OXCT1: variants seen among roughly 807,000 people sequenced by gnomAD.
OXCT1 encodes succinyl-CoA:3-ketoacid coenzyme A transferase 1, mitochondrial.
OXCT1 carries 27 observed loss-of-function variants against 69.6 expected under a neutral mutation model. The observed-to-expected ratio is 0.39, with a 90% CI of 0.29 to 0.54. The LOEUF (loss-of-function observed/expected upper bound fraction) is 0.54, where lower values mean the gene tolerates loss of function less well. OXCT1 is among the 20% of genes least tolerant of loss of function. The pLI, the probability that OXCT1 is intolerant of heterozygous loss-of-function variation, is 0.72. For synonymous variants in OXCT1, 202 were observed against 217.8 expected (o/e 0.93, Z 0.64); for missense variants, 437 against 650.2 (o/e 0.67, Z 3.57).
intron 7 of OXCT1, among the ~76,000 whole-genome samples, chr5:41,819,186 G>A (rs2112323713): frequency 6.6e-6 from 1 of 152,164 alleles, no homozygotes; most frequent in East Asian, 1.9e-4. Flanking sequence ...AACCAAAAGA[G>A]AGCAAAATTA....
chr5:41,847,002 G>C (rs1243622463), intron 5 of OXCT1, among the ~76,000 whole-genome samples: 1 of 151,806 alleles, frequency 6.6e-6, no homozygotes, highest in African/African-American at 2.4e-5. Flanking sequence ...ATTTGTTTTT[G>C]AAAGGATCAA....
intron 13 of OXCT1, among the ~76,000 whole-genome samples, chr5:41,763,897 A>G (rs1744469981): frequency 1.3e-5 from 2 of 152,182 alleles, no homozygotes; most frequent in African/African-American, 4.8e-5. Context: ...AAGCCTGCCC[A>G]ATTTAGATGA....
intron 11 of OXCT1, among the ~76,000 whole-genome samples, chr5:41,797,296 C>A (rs1484250341): frequency 6.6e-6 from 1 of 152,092 alleles, no homozygotes; most frequent in Non-Finnish European, 1.5e-5. Context: ...TATTAAAGAG[C>A]CTAGAAAACA....
intron 13 of OXCT1, among the ~76,000 whole-genome samples, chr5:41,776,044 G>A (rs1745104496): frequency 6.6e-6 from 1 of 152,082 alleles, no homozygotes; most frequent in Non-Finnish European, 1.5e-5. Context: ...TTCACCAAGT[G>A]ATAAAGATTA....
In OXCT1 at chr5:41,767,722, GTATATA is replaced by G. The variant is rs367584226; in HGVS notation, c.1249-5528_1249-5523del. On this transcript the variant is annotated intron_variant, in intron 13 of 16. Coordinates refer to ENST00000196371, the MANE Select transcript of OXCT1 (RefSeq NM_000436.4). ...TCTAGTATCTAATATATATGTGTGT[GTATATA>G]TATATATATATATATATATATATAG... Among the ~76,000 whole-genome samples the G allele has an allele frequency of 1.2e-3, 107 of 89,956 alleles. 3 individuals are homozygous for G. The highest frequency in any genetic ancestry group is 5.0e-3 in the African/African-American group (93 of 18,580). 59.0% of individuals were successfully genotyped at this position (89,956 alleles called of 152,430 possible).
At chr5:41,739,589 G>C (rs375429459) in intron 15 of OXCT1, 98 bp from the exon 16 acceptor site, 1 of 900,674 alleles carries the variant, frequency 1.1e-6, no homozygotes, top group Admixed American at 1.8e-5. Flanking sequence ...GACGAGGTCG[G>C]GTGTGGTGGC....
chr5:41,773,374 A>C (rs1449938740), intron 13 of OXCT1, among the ~76,000 whole-genome samples: 1 of 151,724 alleles, frequency 6.6e-6, no homozygotes, highest in East Asian at 1.9e-4. Context: ...CAGGAGTTCA[A>C]GACTAGCCTG....
chr5:41,835,658 T>C (rs1748323243), intron 7 of OXCT1, among the ~76,000 whole-genome samples: 1 of 152,230 alleles, frequency 6.6e-6, no homozygotes, highest in African/African-American at 2.4e-5. Context: ...ATGATAAATG[T>C]ACTTGTTTTG....
At chr5:41,830,557 A>C (rs1748047712) in intron 7 of OXCT1, among the ~76,000 whole-genome samples, 1 of 152,200 alleles carries the variant, frequency 6.6e-6, no homozygotes, top group Admixed American at 6.5e-5. Flanking sequence ...ATTTCAGCCA[A>C]GTTCTTATAA....
chr5:41,773,846 AT>A (rs1268858605), intron 13 of OXCT1, among the ~76,000 whole-genome samples: 3 of 152,160 alleles, frequency 2.0e-5, no homozygotes, highest in Non-Finnish European at 4.4e-5. Flanking sequence ...AATATCAGAT[AT>A]GAATGTTAAA....
intron 13 of OXCT1, among the ~76,000 whole-genome samples, chr5:41,792,548 GA>G (rs761186047): frequency 6.6e-6 from 1 of 152,102 alleles, no homozygotes; most frequent in Non-Finnish European, 1.5e-5. Flanking sequence ...TCTAAAATTT[GA>G]AAACAGAAAT....
intron 6 of OXCT1, 133 bp downstream of exon 6, chr5:41,842,542 T>C (rs1748677266): frequency 1.3e-5 from 10 of 744,254 alleles, no homozygotes; most frequent in Non-Finnish European, 2.0e-5. Flanking sequence ...CACACACCTA[T>C]ATATGTGCAA....
At chr5:41,851,324 A>C (rs1749163027) in intron 4 of OXCT1, among the ~76,000 whole-genome samples, 1 of 152,198 alleles carries the variant, frequency 6.6e-6, no homozygotes, top group Admixed American at 6.5e-5. Flanking sequence ...GGTATAACTG[A>C]AAATCTTCCA....
rs1750209327 is a variant in OXCT1 at position 41,870,003 on chromosome 5, C to G, written c.78+278G>C. 4 of 481,240 alleles carry G rather than the reference C, an allele frequency of 8.3e-6. No homozygotes were observed. The highest frequency in any genetic ancestry group is 1.1e-5 in the Non-Finnish European group (3 of 261,386). The allele number at this position is 481,240 out of a possible 1,614,324, so 29.8% of individuals were successfully genotyped here. ...GCGCCAAAGGGCTCGGGAGCGCTGC[C>G]AGGAGTCCTCCCGCCCCTTCTCAGC... is the stretch of plus-strand genomic sequence containing the variant. On this transcript the variant is annotated intron_variant, in intron 1 of 16. Coordinates refer to ENST00000196371, the MANE Select transcript of OXCT1 (RefSeq NM_000436.4). The surrounding 1 kb of genome is among the most constrained non-coding windows in gnomAD (Gnocchi z 4.2).
At chr5:41,767,720 G>GTA (rs751695010) in intron 13 of OXCT1, among the ~76,000 whole-genome samples, 55 of 78,348 alleles carry the variant, frequency 7.0e-4, no homozygotes, top group African/African-American at 2.6e-3. Context: ...ATATATGTGT[G>GTA]TGTATATATA....
chr5:41,808,925 G>T (rs1746821224), intron 7 of OXCT1, among the ~76,000 whole-genome samples: 1 of 151,926 alleles, frequency 6.6e-6, no homozygotes, highest in Admixed American at 6.6e-5. Flanking sequence ...GTATCCTGAG[G>T]ATAGACATGA....
chr5:41,790,990 T>C (rs1269834094), intron 13 of OXCT1, among the ~76,000 whole-genome samples: 1 of 152,170 alleles, frequency 6.6e-6, no homozygotes, highest in African/African-American at 2.4e-5. Context: ...AATAGAGCAT[T>C]ACTTAATAGC....
intron 13 of OXCT1, 110 bp downstream of exon 13, chr5:41,793,893 T>C: frequency 6.8e-6 from 5 of 739,312 alleles, no homozygotes; most frequent in South Asian, 6.4e-5. Flanking sequence ...GAAATATATA[T>C]TAAAATATTT....
chr5:41,867,385 G>A (rs934151357), intron 1 of OXCT1, among the ~76,000 whole-genome samples: 1 of 152,200 alleles, frequency 6.6e-6, no homozygotes, highest in South Asian at 2.1e-4. Context: ...AAAGATAGTA[G>A]TCATTAAATA....
Sources: allele counts gnomAD v4.1 joint callset (sites outside exome capture counted in the v4.1 genomes callset), GRCh38; gene constraint gnomAD v4.1.1; non-coding constraint Gnocchi (gnomAD v3.1); transcripts MANE v1.5; gene names NCBI Gene and HGNC (gene_info 2026-07-23, HGNC 2026-07-21).